The following MYRF variants were observed in gnomAD, a reference collection of about 807,000 sequenced individuals.
MYRF encodes the protein myelin regulatory factor, also known as myelin gene regulatory factor.
MYRF carries 16 observed loss-of-function variants against 126.3 expected under a neutral mutation model. That is an observed-to-expected ratio of 0.13 (90% CI 0.09 to 0.19). The LOEUF (loss-of-function observed/expected upper bound fraction) is 0.19. MYRF is among the 10% of genes least tolerant of loss of function. The probability of loss-of-function intolerance (pLI) is 1.00; values close to 1 mark genes in which losing one functional copy is unlikely to be tolerated. For synonymous variants in MYRF, 608 were observed against 635.3 expected, an observed-to-expected ratio of 0.96 and a Z score of 0.65; for missense variants, 1,104 against 1,547.0, an observed-to-expected ratio of 0.71 and a Z score of 4.80.
chr11:61,778,232 G>C lies in MYRF; in HGVS notation c.1904-148G>C. 2 of 645,572 alleles carry C rather than the reference G, an allele frequency of 3.1e-6. No homozygotes were observed. The highest frequency in any genetic ancestry group is 5.6e-6 in the Non-Finnish European group (2 of 356,736). The allele number at this position is 645,572 out of a possible 1,614,324, so 40.0% of individuals were successfully genotyped here. On this transcript the variant is annotated intron_variant, in intron 13 of 26. Transcript: ENST00000278836. This position sits in a 1 kb window ranked among gnomAD's most constrained non-coding sequence, Gnocchi z 4.6. ...CAATCCTGTGAACACTGGTTCGTGG[G>C]ATCTCCCTGCTCCAGGGCTCCTTGG...
chr11:61,760,403 CCAGGGCAGG>C (rs2065867277), intron 1 of MYRF, among the ~76,000 whole-genome samples: 1 of 152,120 alleles, frequency 6.6e-6, no homozygotes, highest in South Asian at 2.1e-4. Flanking sequence ...GGAGGGGCTG[CCAGGGCAGG>C]CAGGGAGGCA....
intron 3 of MYRF, among the ~76,000 whole-genome samples, chr11:61,769,005 C>A (rs2066135638): frequency 6.6e-6 from 1 of 152,180 alleles, no homozygotes; most frequent in Non-Finnish European, 1.5e-5. Flanking sequence ...ATCAAGGACA[C>A]TAGTAACTGC....
chr11:61,773,393 C>T (rs964965207), intron 7 of MYRF, among the ~76,000 whole-genome samples: 2 of 152,176 alleles, frequency 1.3e-5, no homozygotes, highest in Non-Finnish European at 2.9e-5. Flanking sequence ...GAGGGAGAGT[C>T]CAGGAGTGCC....
In MYRF at chr11:61,764,726, G is replaced by A. The variant is rs557634262; in HGVS notation, c.47-899G>A. On this transcript the variant is annotated intron_variant, in intron 1 of 26. Transcript: ENST00000278836. Reference sequence around the variant, plus strand: ...AGGTGACCCTGGGAGGGGAAAGGCCGGCACCTCCCCCGTCCTCCCTCATGA... The same window carrying A: ...AGGTGACCCTGGGAGGGGAAAGGCCAGCACCTCCCCCGTCCTCCCTCATGA... 9.2e-5 allele frequency among the ~76,000 whole-genome samples: 14 copies of A among 152,280 alleles called. No individual in the cohort carries two copies. The East Asian group carries it at 2.1e-3, about 23-fold the overall frequency.
intron 17 of MYRF, 117 bp downstream of exon 17, chr11:61,780,047 G>T: frequency 8.2e-7 from 1 of 1,220,430 alleles, no homozygotes; most frequent in Non-Finnish European, 1.2e-6. Flanking sequence ...TGGGAGATCA[G>T]GCAGCTGAGG....
In MYRF at chr11:61,779,326, G is replaced by C. The variant is rs1421091727; in HGVS notation, c.2077G>C (p.Glu693Gln). 1 of 1,550,856 alleles carries C rather than the reference G, an allele frequency of 6.4e-7. No individual in the cohort carries two copies. Among genetic ancestry groups the C allele is most frequent in the South Asian group, 1.2e-5 (1 of 84,062 alleles). Reference protein sequence around the residue: ...KELCKLTDNLETRIDELERWS... With the variant: ...KELCKLTDNLQTRIDELERWS... ...GCTGTGCAAGCTGACAGACAACCTG[G>C]AGACGCGCATTGATGAGCTGGAGCG... The change falls in exon 15 of 27, where the codon GAG becomes CAG. Residue 693 changes from glutamate (E) to glutamine (Q), a missense_variant. Glu to Gln is a conservative substitution (Grantham distance 29). Around this residue, in one of 10 missense-constraint regions of MYRF, gnomAD observed 123 missense variants for 209.1 expected, o/e 0.59. Transcript: ENST00000278836.
At position 61,777,198 on chromosome 11, in the gene MYRF, T is replaced by C; in HGVS notation, c.1591-66T>C. The C allele has an allele frequency of 1.3e-6, 2 of 1,530,678 alleles. No individual in the cohort carries two copies. The highest frequency in any genetic ancestry group is 1.8e-6 in the Non-Finnish European group (2 of 1,122,466). 94.8% of individuals were successfully genotyped at this position (1,530,678 alleles called of 1,614,324 possible). On this transcript the variant is annotated intron_variant, in intron 11 of 26. Coordinates refer to ENST00000278836, the MANE Select transcript of MYRF (RefSeq NM_001127392.3). This position sits in a 1 kb window ranked among gnomAD's most constrained non-coding sequence, Gnocchi z 8.8. Reference sequence around the variant, plus strand: ...GAGGGGCTGCTGTGGAGTTTCCCCCTGCTCCCAGGGCCCTGCAGGTCCCCT... The same window carrying C: ...GAGGGGCTGCTGTGGAGTTTCCCCCCGCTCCCAGGGCCCTGCAGGTCCCCT...
intron 1 of MYRF, among the ~76,000 whole-genome samples, chr11:61,761,548 C>G (rs894096292): frequency 3.3e-5 from 5 of 152,228 alleles, no homozygotes; most frequent in Admixed American, 3.3e-4. Context: ...CTGAGGCACA[C>G]AGCTCAGCAG....
chr11:61,783,398 T>C lies in MYRF; in HGVS notation c.3017-100T>C, dbSNP rs142369522. 4.2e-4 allele frequency: 366 copies of C among 877,726 alleles called. No homozygotes were observed. The African/African-American group carries it at 4.7e-3, about 11-fold the overall frequency. 54.4% of individuals were successfully genotyped at this position (877,726 alleles called of 1,614,324 possible). ...CTGGAAAAAAATAACCTGGAACTTA[T>C]TCATACTAAGGTGTGAGTGACTGCT... is the stretch of plus-strand genomic sequence containing the variant. On this transcript the variant is annotated intron_variant, in intron 22 of 26. Transcript: ENST00000278836. The surrounding 1 kb of genome is among the most constrained non-coding windows in gnomAD (Gnocchi z 4.6).
chr11:61,755,828 GA>G (rs10709102), intron 1 of MYRF: 220,298 of 479,748 alleles, frequency 0.46, 52,365 homozygotes, highest in Middle Eastern at 0.57. Flanking sequence ...GGTGTGCAGG[GA>G]GCCTTGGAGG....
intron 1 of MYRF, chr11:61,755,663 G>C (rs961144911): frequency 1.4e-6 from 1 of 713,412 alleles, no homozygotes; most frequent in African/African-American, 1.7e-5. Flanking sequence ...TGGCAGAGAA[G>C]AACCTCAGCT....
In MYRF at chr11:61,752,724, T is replaced by G; in HGVS notation, c.-21T>G. ...GGCTGTAGCGGGGCCGCGGCTGGAG[T>G]GTGCGCCGGGCAGGCGGGACATGGA... On this transcript the variant is annotated 5_prime_UTR_variant, in exon 1 of 27. Transcript: ENST00000278836. 7.0e-7 allele frequency: 1 copy of G among 1,436,160 alleles called. No homozygotes were observed. 89.0% of individuals were successfully genotyped at this position (1,436,160 alleles called of 1,614,324 possible). A position where few individuals can be genotyped will look rare whatever the true frequency, so the allele number is the denominator to read the frequency against.
intron 1 of MYRF, among the ~76,000 whole-genome samples, chr11:61,753,414 A>G (rs2065660317): frequency 1.3e-5 from 2 of 151,404 alleles, no homozygotes; most frequent in African/African-American, 2.4e-5. Flanking sequence ...GCTTTCCACA[A>G]TGCTGCCTAG....
intron 8 of MYRF, among the ~76,000 whole-genome samples, chr11:61,774,991 T>C (rs1416507126): frequency 6.6e-6 from 1 of 152,112 alleles, no homozygotes; most frequent in Non-Finnish European, 1.5e-5. Context: ...GGGCCTTGGT[T>C]ACCTGAGCCG....
intron 3 of MYRF, 168 bp downstream of exon 3, chr11:61,766,389 G>A: frequency 1.5e-6 from 1 of 672,078 alleles, no homozygotes; most frequent in Non-Finnish European, 2.4e-6. Context: ...AGGTCAAGGG[G>A]GGACTCCTGG....
chr11:61,775,021 T>C (rs1449272682), intron 8 of MYRF, among the ~76,000 whole-genome samples: 1 of 152,190 alleles, frequency 6.6e-6, no homozygotes, highest in Non-Finnish European at 1.5e-5. Context: ...GTCAGGGCCC[T>C]CTTTCCCCAA....
rs545941640 is a variant in MYRF at position 61,783,268 on chromosome 11, G to A, written c.3017-230G>A. The A allele has an allele frequency of 1.4e-5, 6 of 429,560 alleles. No individual in the cohort carries two copies. The highest frequency in any genetic ancestry group is 2.6e-5 in the Non-Finnish European group (6 of 234,452). 26.6% of individuals were successfully genotyped at this position (429,560 alleles called of 1,614,324 possible). On this transcript the variant is annotated intron_variant, in intron 22 of 26. Coordinates refer to ENST00000278836, the MANE Select transcript of MYRF (RefSeq NM_001127392.3). The surrounding 1 kb of genome is among the most constrained non-coding windows in gnomAD (Gnocchi z 4.6). ...ATGTGAAGACCCATCCCTACTTCTG[G>A]GTGTTCCAGTTCTTTTGAGGAGGCA...
At chr11:61,782,327 GGGA>G (rs1293930887) in intron 22 of MYRF, 2 of 153,414 alleles carry the variant, frequency 1.3e-5, no homozygotes, top group African/African-American at 4.8e-5. Flanking sequence ...AGGGGAGGCT[GGGA>G]GGCTTCCTGG....
chr11:61,777,496 C>A lies in MYRF; in HGVS notation c.1791+32C>A. On this transcript the variant is annotated intron_variant, in intron 12 of 26. Transcript: ENST00000278836. This position sits in a 1 kb window ranked among gnomAD's most constrained non-coding sequence, Gnocchi z 8.8. ...ACAGGGCTGTGGGGGCCGGGCGGGT[C>A]CAGACGCTGGAGCGGGCCGCGGGGG... is the stretch of plus-strand genomic sequence containing the variant. The A allele has an allele frequency of 6.4e-7, 1 of 1,560,564 alleles. No individual in the cohort carries two copies. The highest frequency in any genetic ancestry group is 1.2e-5 in the South Asian group (1 of 86,404).
Sources: gnomAD v4.1 joint callset for allele counts (sites outside exome capture counted in the v4.1 genomes callset) on GRCh38, gnomAD v4.1.1 for gene constraint, gnomAD v4.1.1 regional missense constraint, Gnocchi (gnomAD v3.1) non-coding constraint, MANE v1.5 for transcripts, NCBI Gene and HGNC (gene_info 2026-07-23, HGNC 2026-07-21) for gene names.